Variants in PACRG observed in about 807,000 individuals in gnomAD.
PACRG encodes the protein parkin coregulated gene protein.
A neutral mutation model predicts 29.7 loss-of-function variants in PACRG; 29 were observed. The ratio of observed to expected loss-of-function variants is 0.98; its 90% CI spans 0.73 to 1.33. The LOEUF (loss-of-function observed/expected upper bound fraction) is 1.33. Among genes scored for constraint, PACRG ranks in the 40% most tolerant of loss-of-function variants. PACRG has a pLI of 0.00. For synonymous variants in PACRG, 116 were observed against 118.7 expected (o/e 0.98, Z 0.15); for missense variants, 279 against 316.2 (o/e 0.88, Z 0.89).
intron 4 of PACRG, among the ~76,000 whole-genome samples, chr6:163,250,842 C>A (rs1378227348): frequency 4.6e-5 from 7 of 150,636 alleles, no homozygotes; most frequent in Admixed American, 6.6e-5. Flanking sequence ...GTGGAACCAA[C>A]CCAAATGCCC....
chr6:162,963,432 CAT>C (rs1800788774), intron 2 of PACRG, among the ~76,000 whole-genome samples: 3 of 151,986 alleles, frequency 2.0e-5, no homozygotes, highest in South Asian at 2.1e-4. Context: ...AGTTCAAAAT[CAT>C]GTGTATATAA....
chr6:163,115,152 T>TA lies in PACRG; in HGVS notation c.613+25748dup, dbSNP rs5881507. Among the ~76,000 whole-genome samples the TA allele has an allele frequency of 5.9e-3, 896 of 152,270 alleles. 8 individuals carry two copies. Among genetic ancestry groups the TA allele is most frequent in the Non-Finnish European group, 0.01 (703 of 68,018 alleles). On this transcript the variant is annotated intron_variant, in intron 4 of 4. Transcript: ENST00000366888. ...ATACAAATAGAAACCTTGAATCTCA[T>TA]AAAATCAATACTTAATGAATACCTA...
At chr6:163,240,660 G>A (rs1782466190) in intron 4 of PACRG, among the ~76,000 whole-genome samples, 1 of 152,130 alleles carries the variant, frequency 6.6e-6, no homozygotes, top group Non-Finnish European at 1.5e-5. Context: ...CTTGGATTTG[G>A]GCACATACGC....
At chr6:163,000,003 A>G (rs1364192211) in intron 2 of PACRG, among the ~76,000 whole-genome samples, 1 of 152,236 alleles carries the variant, frequency 6.6e-6, no homozygotes. Context: ...AACTGGATGT[A>G]CTTGTAACAT....
intron 1 of PACRG, among the ~76,000 whole-genome samples, chr6:162,774,416 A>T (rs1783480666): frequency 6.6e-6 from 1 of 152,182 alleles, no homozygotes; most frequent in South Asian, 2.1e-4. Flanking sequence ...ATAAATCAGG[A>T]ATAGTTAACA....
chr6:162,915,228 G>A (rs1796621735), intron 2 of PACRG, among the ~76,000 whole-genome samples: 1 of 151,408 alleles, frequency 6.6e-6, no homozygotes, highest in African/African-American at 2.4e-5. Flanking sequence ...TTATGAATGA[G>A]CATTAATTTT....
At chr6:162,773,767 G>A (rs1257049762) in intron 1 of PACRG, among the ~76,000 whole-genome samples, 1 of 151,680 alleles carries the variant, frequency 6.6e-6, no homozygotes, top group Non-Finnish European at 1.5e-5. Context: ...CACCCGCCTC[G>A]GCCTCCCAAA....
At chr6:163,221,587 T>G (rs575104453) in intron 4 of PACRG, among the ~76,000 whole-genome samples, 2 of 152,230 alleles carry the variant, frequency 1.3e-5, no homozygotes, top group Non-Finnish European at 2.9e-5. Flanking sequence ...AAGGAGGGTA[T>G]TTGCAGCCAA....
At chr6:163,086,052 G>A (rs1813528028) in intron 3 of PACRG, among the ~76,000 whole-genome samples, 1 of 152,332 alleles carries the variant, frequency 6.6e-6, no homozygotes, top group South Asian at 2.1e-4. Flanking sequence ...CAGGTGCTGT[G>A]AATCACGCAC....
intron 2 of PACRG, among the ~76,000 whole-genome samples, chr6:163,039,422 A>G (rs1808491454): frequency 6.6e-6 from 1 of 152,232 alleles, no homozygotes; most frequent in Non-Finnish European, 1.5e-5. Context: ...GAAAATATGG[A>G]AGTGACTTTG....
intron 2 of PACRG, among the ~76,000 whole-genome samples, chr6:162,898,842 T>A (rs530955428): frequency 3.5e-4 from 54 of 152,352 alleles, no homozygotes; most frequent in African/African-American, 1.2e-3. Flanking sequence ...TTGTTTTGTT[T>A]CAGAGATTTG....
At chr6:163,112,131 C>A in intron 4 of PACRG, 2 of 703,098 alleles carry the variant, frequency 2.8e-6, no homozygotes, top group Non-Finnish European at 3.5e-6. Flanking sequence ...CAGGCATCTG[C>A]CTCCCTACCT....
chr6:162,751,634 T>A (rs1005418207), intron 1 of PACRG, among the ~76,000 whole-genome samples: 9 of 152,176 alleles, frequency 5.9e-5, no homozygotes, highest in Admixed American at 2.0e-4. Context: ...AATTTCAAAT[T>A]TTCTCTGAAC....
chr6:163,043,407 C>A (rs1372510609), intron 2 of PACRG, among the ~76,000 whole-genome samples: 2 of 151,964 alleles, frequency 1.3e-5, no homozygotes, highest in African/African-American at 4.8e-5. Context: ...AATACAAAAA[C>A]TAGGTGGGCA....
intron 4 of PACRG, among the ~76,000 whole-genome samples, chr6:163,290,255 T>C (rs967105569): frequency 6.7e-6 from 1 of 150,138 alleles, no homozygotes; most frequent in Non-Finnish European, 1.5e-5. Context: ...CATACGCACA[T>C]GTGCGCATGC....
chr6:162,791,408 C>G (rs1050664573), intron 1 of PACRG, among the ~76,000 whole-genome samples: 2 of 149,306 alleles, frequency 1.3e-5, no homozygotes, highest in African/African-American at 4.9e-5. Context: ...CTTTCCTTCT[C>G]TACCCCATAG....
chr6:162,760,840 C>G (rs1383111260), intron 1 of PACRG, among the ~76,000 whole-genome samples: 2 of 152,106 alleles, frequency 1.3e-5, no homozygotes, highest in East Asian at 3.9e-4. Context: ...TACCATTGTG[C>G]TCTGTGGTGA....
intron 4 of PACRG, among the ~76,000 whole-genome samples, chr6:163,301,107 C>T (rs1263200046): frequency 6.6e-6 from 1 of 151,958 alleles, no homozygotes; most frequent in East Asian, 1.9e-4. Flanking sequence ...TGCTGCTTCC[C>T]GTGAGTTTAG....
At chr6:163,104,096 G>C (rs1481893060) in intron 4 of PACRG, among the ~76,000 whole-genome samples, 2 of 152,236 alleles carry the variant, frequency 1.3e-5, no homozygotes, top group Non-Finnish European at 2.9e-5. Flanking sequence ...TATGCTGGTA[G>C]ATCAAAGTAG....
Sources: gnomAD v4.1 joint callset for allele counts (sites outside exome capture counted in the v4.1 genomes callset) on GRCh38, gnomAD v4.1.1 for gene constraint, MANE v1.5 for transcripts, NCBI Gene and HGNC (gene_info 2026-07-23, HGNC 2026-07-21) for gene names.